The following EMC1 variants were observed in gnomAD, a reference collection of about 807,000 sequenced individuals.
The protein encoded by EMC1 is KIAA0090.
In EMC1, 103 loss-of-function variants were observed where a neutral mutation model predicts 128.8. The ratio of observed to expected loss-of-function variants is 0.80; its 90% confidence interval spans 0.68 to 0.94. The LOEUF (loss-of-function observed/expected upper bound fraction) is 0.94. Ranked by LOEUF, EMC1 falls within the 40% of genes least tolerant of loss-of-function variation. The pLI is 0.00. For missense variants in EMC1, 1,083 were observed against 1,250.6 expected (o/e 0.87, Z 2.02); for synonymous variants, 442 against 490.4 (o/e 0.90, Z 1.30).
chr1:19,236,777 G>A (rs1201381916), intron 12 of EMC1, among the ~76,000 whole-genome samples: 1 of 151,668 alleles, frequency 6.6e-6, no homozygotes, highest in Non-Finnish European at 1.5e-5. Context: ...AGACCAGCCT[G>A]GCCAACATGG....
In EMC1 at chr1:19,222,832, G is replaced by A. The variant is rs757607815; in HGVS notation, c.2379C>T (p.Tyr793=). 8.1e-6 allele frequency: 13 copies of A among 1,603,076 alleles called. No homozygotes were observed. In the South Asian group the frequency reaches 1.2e-4, roughly 15 times the overall value. ...GCCGAGCCTTGGTGTTCCAGTACTG[G>A]TACTGCAGGGATAGGAGGTGGCAGC... ...HIVHSENWVV[Y]QYWNTKARRN... is the part of the protein sequence containing the mutation. Residue 793 remains tyrosine (Y), a splice_region_variant and synonymous_variant, in exon 20 of 23, where the codon TAC becomes TAT. Coordinates refer to ENST00000477853, the MANE Select transcript of EMC1 (RefSeq NM_015047.3).
At chr1:19,251,118 T>C (rs2093657131) in intron 1 of EMC1, among the ~76,000 whole-genome samples, 1 of 152,088 alleles carries the variant, frequency 6.6e-6, no homozygotes, top group Non-Finnish European at 1.5e-5. Flanking sequence ...AAATCGAACC[T>C]GACGAGGGAG....
chr1:19,226,948 G>A (rs1348138868), intron 18 of EMC1, among the ~76,000 whole-genome samples: 3 of 151,946 alleles, frequency 2.0e-5, no homozygotes, highest in African/African-American at 7.3e-5. Flanking sequence ...GATTGCATAA[G>A]CCCAGGAGGA....
intron 1 of EMC1, among the ~76,000 whole-genome samples, chr1:19,246,643 C>T (rs1466287294): frequency 6.6e-6 from 1 of 151,852 alleles, no homozygotes; most frequent in Non-Finnish European, 1.5e-5. Flanking sequence ...ATTAGCTGGG[C>T]GTGATGGGCA....
rs2151947861 is a variant in EMC1, at chr1:19,231,323, G to A, written c.1882C>T (p.Leu628Phe). 2 of 1,611,020 alleles carry A rather than the reference G, an allele frequency of 1.2e-6. No individual in the cohort carries two copies. The highest frequency in any genetic ancestry group is 3.3e-4 in the Middle Eastern group (2 of 6,042). ...VLKRPILQSL[L>F]LPVMDQDYAK... The stretch of plus-strand genomic sequence containing the variant: ...TAGTCTTGATCCATGACTGGGAGAA[G>A]CAAGGACTGCAAGATGGGGCGCTTC... The change falls in exon 16 of 23, where the codon CTT (leucine) becomes TTT (phenylalanine). Residue 628 changes from leucine to phenylalanine, a missense_variant. Physicochemically the swap from Leu to Phe is conservative, Grantham distance 22 (BLOSUM62 0). Around this residue, in one of 3 missense-constraint regions of EMC1, gnomAD observed 527 missense variants for 644.1 expected, o/e 0.82. Transcript: ENST00000477853.
chr1:19,238,756 G>C, intron 10 of EMC1, 39 bp downstream of exon 10: 1 of 1,442,958 alleles, frequency 6.9e-7, no homozygotes, highest in South Asian at 1.2e-5. Context: ...GGCCTCCTGC[G>C]TCTCTAGGTC....
At chr1:19,223,661 C>T in intron 18 of EMC1, 92 bp from the exon 19 acceptor site, 1 of 1,186,512 alleles carries the variant, frequency 8.4e-7, no homozygotes, top group African/African-American at 1.5e-5. Context: ...GCTCTCCAGC[C>T]TGGCAGAGGA....
At chr1:19,239,697 G>T in intron 8 of EMC1, 121 bp downstream of exon 8, 1 of 980,308 alleles carries the variant, frequency 1.0e-6, no homozygotes, top group Non-Finnish European at 1.6e-6. Context: ...CCACTTACGG[G>T]AAGGTGTCAT....
chr1:19,244,734 C>T, intron 2 of EMC1, 172 bp downstream of exon 2: 1 of 657,796 alleles, frequency 1.5e-6, no homozygotes, highest in Non-Finnish European at 2.6e-6. Context: ...GTTATAGGAA[C>T]ATACAAATAT....
intron 13 of EMC1, among the ~76,000 whole-genome samples, chr1:19,234,700 A>T (rs2093549970): frequency 6.6e-6 from 1 of 151,928 alleles, no homozygotes. Flanking sequence ...ACAAAAATTA[A>T]CCGGGCATGG....
Position 19,231,360 on chromosome 1 carries a change from AG to A in EMC1, c.1844del (p.Ala615ValfsTer5), listed in dbSNP as rs1482750611. On this transcript the variant is annotated frameshift_variant, in exon 16 of 23. Coordinates refer to ENST00000477853, the MANE Select transcript of EMC1 (RefSeq NM_015047.3). LOFTEE classifies it high-confidence loss of function. ...AGATGGGGCGCTTCAGCACTGGGGGAGCTACCTGACTCCACTTCCCAAAAAT... is the reference window on the plus strand; with the variant it reads ...AGATGGGGCGCTTCAGCACTGGGGGACTACCTGACTCCACTTCCCAAAAAT... Reference protein sequence around the residue: ...NPIFGKWSQVAPPVLKRPILQ... With the variant: ...NPIFGKWSQVXPPVLKRPILQ... 1 of 1,612,540 alleles carries A rather than the reference AG, an allele frequency of 6.2e-7. No homozygotes were observed.
chr1:19,249,276 T>G (rs1479674039), intron 1 of EMC1, among the ~76,000 whole-genome samples: 2 of 91,016 alleles, frequency 2.2e-5, no homozygotes, highest in African/African-American at 6.5e-5. Flanking sequence ...AACCACTTAC[T>G]GACTAACCCC....
chr1:19,240,085 T>C, intron 7 of EMC1, 100 bp from the exon 8 acceptor site: 1 of 1,325,476 alleles, frequency 7.5e-7, no homozygotes. Flanking sequence ...GGGAAGTAAC[T>C]GGGCCATGGC....
At chr1:19,246,704 C>T (rs965115135) in intron 1 of EMC1, among the ~76,000 whole-genome samples, 1 of 152,084 alleles carries the variant, frequency 6.6e-6, no homozygotes, top group African/African-American at 2.4e-5. Context: ...CGTTTGAACC[C>T]TGGAAGCGGA....
In EMC1 at chr1:19,227,592, AGCAGTG is replaced by A. The variant is rs1571987576; in HGVS notation, c.2065-148_2065-143del. ...ATCAGAACTAGAAAAATGAGCCAGGAGCAGTGGCTCATTCTTGTAATCCCAGCACTT... is the reference window on the plus strand; with the variant it reads ...ATCAGAACTAGAAAAATGAGCCAGGAGCTCATTCTTGTAATCCCAGCACTT... On this transcript the variant is annotated intron_variant, in intron 17 of 22. Coordinates refer to ENST00000477853, the MANE Select transcript of EMC1 (RefSeq NM_015047.3). 4.7e-5 allele frequency: 48 copies of A among 1,029,258 alleles called. No homozygotes were observed. In the East Asian group the frequency reaches 1.2e-3, roughly 26 times the overall value. The allele number at this position is 1,029,258 out of a possible 1,614,324, so 63.8% of individuals were successfully genotyped here.
Position 19,216,455 on chromosome 1 carries a change from A to G in EMC1, c.*2848T>C, listed in dbSNP as rs1347683889. ...TTTCAGTCATCTTTATGAATACATGATATTCAAGATACATTAGCTGAGCCT... is the reference window on the plus strand; with the variant it reads ...TTTCAGTCATCTTTATGAATACATGGTATTCAAGATACATTAGCTGAGCCT... On this transcript the variant is annotated 3_prime_UTR_variant, in exon 23 of 23. Transcript: ENST00000477853. 6.6e-6 allele frequency: 1 copy of G among 152,196 alleles called. No homozygotes were observed. The highest frequency in any genetic ancestry group is 1.5e-5 in the Non-Finnish European group (1 of 68,030). The allele number at this position is 152,196 out of a possible 1,614,324, so 9.4% of individuals were successfully genotyped here. A position where few individuals can be genotyped will look rare whatever the true frequency, so the allele number is the denominator to read the frequency against.
At position 19,227,327 on chromosome 1, in the gene EMC1, T is replaced by A; in HGVS notation, c.2188A>T (p.Ser730Cys). The change falls in exon 18 of 23, where the codon AGT (serine) becomes TGT (cysteine). Residue 730 changes from serine to cysteine, a missense_variant. Coordinates refer to ENST00000477853, the MANE Select transcript of EMC1 (RefSeq NM_015047.3). ...GCTGTATGTACCTTGTAGAGCACAC[T>A]GCGGTCCCCCATCACACGGCCCTGG... is the stretch of plus-strand genomic sequence containing the variant. The part of the protein sequence containing the change: ...HSQGRVMGDR[S>C]VLYKSLNPNL... 1 of 1,614,106 alleles carries A rather than the reference T, an allele frequency of 6.2e-7. No homozygotes were observed. Among genetic ancestry groups the A allele is most frequent in the Admixed American group, 1.7e-5 (1 of 60,020 alleles).
Position 19,222,718 on chromosome 1 carries a change from G to A in EMC1, c.2493C>T (p.Pro831=), listed in dbSNP as rs1051274737. The change falls in exon 20 of 23, where the codon CCC becomes CCT. Residue 831 remains proline, a synonymous_variant. Coordinates refer to ENST00000477853, the MANE Select transcript of EMC1 (RefSeq NM_015047.3). ...AGATATAGGACTGCTGGAGGACCTG[G>A]GGCAGCTGGGGGCGGTCCAGGGAGC... The part of the protein sequence containing the change: ...AFSSLDRPQL[P]QVLQQSYIFP... The A allele has an allele frequency of 9.3e-6, 15 of 1,614,034 alleles. No homozygotes were observed. Among genetic ancestry groups the A allele is most frequent in the Non-Finnish European group, 1.3e-5 (15 of 1,180,022 alleles).
In EMC1 at chr1:19,240,387, C is replaced by T. The variant is rs12084825; in HGVS notation, c.696G>A (p.Glu232=). ...TCGGGTCAGGACACACCAGGACAGC[C>T]TCATCCACCACACCACAGGCTCCAG... ...HLSGACGVVD[E]AVLVCPDPSS... Residue 232 remains glutamate (E), a synonymous_variant, in exon 7 of 23, where the codon GAG becomes GAA. Transcript: ENST00000477853. The T allele has an allele frequency of 0.14, 233,566 of 1,613,900 alleles. 18,261 individuals carry two copies. Among genetic ancestry groups the T allele is most frequent in the Admixed American group, 0.18 (10,809 of 60,016 alleles).
Sources: allele counts gnomAD v4.1 joint callset (sites outside exome capture counted in the v4.1 genomes callset), GRCh38; gene constraint gnomAD v4.1.1; regional missense constraint gnomAD v4.1.1; transcripts MANE v1.5; gene names NCBI Gene and HGNC (gene_info 2026-07-23, HGNC 2026-07-21).